The following STAU2 variants were observed in gnomAD, a reference collection of about 807,000 sequenced individuals.
STAU2 encodes double-stranded RNA-binding protein Staufen homolog 2.
STAU2 carries 20 observed loss-of-function variants against 65.9 expected under a neutral mutation model. The ratio of observed to expected loss-of-function variants is 0.30; its 90% confidence interval spans 0.21 to 0.44. The LOEUF (loss-of-function observed/expected upper bound fraction) is 0.44. STAU2 is among the 20% of genes least tolerant of loss of function. STAU2 has a pLI of 1.00. For missense variants in STAU2, 558 were observed against 683.9 expected, an observed-to-expected ratio of 0.82 and a Z score of 2.05; for synonymous variants, 232 against 233.9, an observed-to-expected ratio of 0.99 and a Z score of 0.07.
intron 12 of STAU2, among the ~76,000 whole-genome samples, chr8:73,557,780 T>TTATATTCATACACCCA (rs1807901600): frequency 1.3e-5 from 2 of 152,334 alleles, no homozygotes; most frequent in South Asian, 4.1e-4. Context: ...GTAACATCCA[T>TTATATTCATACACCCA]TATATTCATT....
chr8:73,505,719 G>A (rs1279049075), intron 13 of STAU2, among the ~76,000 whole-genome samples: 2 of 152,020 alleles, frequency 1.3e-5, no homozygotes, highest in East Asian at 3.9e-4. Context: ...TTATTAAGGT[G>A]TAACTGACAT....
intron 8 of STAU2, among the ~76,000 whole-genome samples, chr8:73,615,364 A>G (rs1311032925): frequency 6.6e-6 from 1 of 152,186 alleles, no homozygotes; most frequent in Non-Finnish European, 1.5e-5. Context: ...ATTTAATTTA[A>G]TCCTATTTAA....
At chr8:73,645,077 T>C (rs572229159) in intron 6 of STAU2, among the ~76,000 whole-genome samples, 2 of 152,294 alleles carry the variant, frequency 1.3e-5, no homozygotes, top group East Asian at 3.9e-4. Context: ...CTCCCAACTC[T>C]TTTTATGAGT....
chr8:73,593,420 C>A (rs1470039091), intron 11 of STAU2, among the ~76,000 whole-genome samples: 1 of 152,204 alleles, frequency 6.6e-6, no homozygotes, highest in Non-Finnish European at 1.5e-5. Context: ...TCACTCCCTG[C>A]ACTTAAAGAA....
chr8:73,597,021 C>T (rs538184477), intron 10 of STAU2, among the ~76,000 whole-genome samples: 71 of 152,038 alleles, frequency 4.7e-4, no homozygotes, highest in African/African-American at 1.4e-3. Flanking sequence ...AATGCATAGC[C>T]GTTAACAGCT....
At chr8:73,553,208 A>G (rs1807464428) in intron 12 of STAU2, among the ~76,000 whole-genome samples, 1 of 152,228 alleles carries the variant, frequency 6.6e-6, no homozygotes, top group African/African-American at 2.4e-5. Flanking sequence ...TTGATCAGGT[A>G]TCAATAACTC....
At chr8:73,584,253 A>C (rs543746744) in intron 11 of STAU2, among the ~76,000 whole-genome samples, 1 of 152,190 alleles carries the variant, frequency 6.6e-6, no homozygotes, top group Non-Finnish European at 1.5e-5. Flanking sequence ...TCCTGTCTTC[A>C]TCAACATTTA....
intron 1 of STAU2, among the ~76,000 whole-genome samples, chr8:73,745,487 T>C (rs1224323994): frequency 6.6e-6 from 1 of 152,214 alleles, no homozygotes; most frequent in African/African-American, 2.4e-5. Context: ...CCATCACAAT[T>C]TTGATTTCAA....
chr8:73,538,676 G>GAAAAAAAA (rs60524962), intron 13 of STAU2, among the ~76,000 whole-genome samples: 1 of 132,822 alleles, frequency 7.5e-6, no homozygotes, highest in Non-Finnish European at 1.6e-5. Context: ...CAGAGTTTTA[G>GAAAAAAAA]AAAAAAAAAA....
In STAU2 at chr8:73,687,344, T is replaced by TTATATTTATAAA. The variant is rs1563506820; in HGVS notation, c.274+1309_274+1310insTTTATAAATATA. ...TTATATTTATAAATATAATTTATATTTATAATTTATATAATATAAATATAA... is the reference window on the plus strand; with the variant it reads ...TTATATTTATAAATATAATTTATATTTATATTTATAAATATAATTTATATAATATAAATATAA... On this transcript the variant is annotated intron_variant, in intron 5 of 14. Transcript: ENST00000524300. Among the ~76,000 whole-genome samples the TTATATTTATAAA allele has an allele frequency of 8.5e-4, 72 of 85,184 alleles. 1 individual carries two copies. Among genetic ancestry groups the TTATATTTATAAA allele is most frequent in the African/African-American group, 2.4e-3 (54 of 22,092 alleles). The allele number at this position is 85,184 out of a possible 152,430, so 55.9% of individuals were successfully genotyped here. A position where few individuals can be genotyped will look rare whatever the true frequency, so the allele number is the denominator to read the frequency against.
At chr8:73,657,880 G>A (rs1255574752) in intron 6 of STAU2, among the ~76,000 whole-genome samples, 1 of 151,958 alleles carries the variant, frequency 6.6e-6, no homozygotes, top group African/African-American at 2.4e-5. Flanking sequence ...TGGGTGTGGT[G>A]GCGCACACCT....
intron 6 of STAU2, among the ~76,000 whole-genome samples, chr8:73,650,424 T>C (rs552602534): frequency 1.2e-3 from 176 of 152,336 alleles, no homozygotes; most frequent in Non-Finnish European, 1.9e-3. Context: ...TGTAAAAATG[T>C]ATATGTGTGT....
chr8:73,478,548 C>G (rs1164045228), intron 13 of STAU2, among the ~76,000 whole-genome samples: 1 of 151,962 alleles, frequency 6.6e-6, no homozygotes, highest in Non-Finnish European at 1.5e-5. Flanking sequence ...GCAATGCAAA[C>G]TATTTACATA....
intron 6 of STAU2, chr8:73,672,437 G>A (rs762242732): frequency 5.9e-5 from 9 of 152,038 alleles, no homozygotes; most frequent in East Asian, 3.9e-4. Flanking sequence ...GAGGCTATAC[G>A]TATGTAAAAA....
In STAU2 at chr8:73,479,840, G is replaced by A. The variant is rs145805433; in HGVS notation, c.1531-57138C>T. ...CATTATATCTCTCAAAGTATCTTCA[G>A]GAACGTAGACATATTAAAATGAATC... On this transcript the variant is annotated intron_variant, in intron 13 of 14. Coordinates refer to ENST00000524300, the MANE Select transcript of STAU2 (RefSeq NM_001164380.2). Among the ~76,000 whole-genome samples the A allele has an allele frequency of 3.3e-5, 5 of 151,486 alleles. No individual in the cohort carries two copies. In the East Asian group the frequency reaches 9.8e-4, roughly 30 times the overall value.
chr8:73,479,592 G>C (rs1251806657), intron 13 of STAU2, among the ~76,000 whole-genome samples: 2 of 151,276 alleles, frequency 1.3e-5, no homozygotes, highest in Non-Finnish European at 1.5e-5. Flanking sequence ...TGATAATACA[G>C]TAGAAAAAAA....
upstream of STAU2, chr8:73,747,009 G>A: frequency 3.3e-6 from 1 of 301,470 alleles, no homozygotes; most frequent in Non-Finnish European, 4.8e-6. Flanking sequence ...CGGCGCGCGC[G>A]CCCGGCACCG....
intron 1 of STAU2, among the ~76,000 whole-genome samples, chr8:73,740,426 T>C (rs1286987385): frequency 6.6e-6 from 1 of 152,136 alleles, no homozygotes; most frequent in African/African-American, 2.4e-5. Flanking sequence ...AGCAAATGAG[T>C]AACATTAGAA....
At chr8:73,550,451 T>C in intron 13 of STAU2, 2 of 985,698 alleles carry the variant, frequency 2.0e-6, no homozygotes, top group Non-Finnish European at 2.4e-6. Flanking sequence ...AAAAAATCAA[T>C]TCAGAGCTTG....
Sources: allele counts gnomAD v4.1 joint callset (sites outside exome capture counted in the v4.1 genomes callset), GRCh38; gene constraint gnomAD v4.1.1; transcripts MANE v1.5; gene names NCBI Gene and HGNC (gene_info 2026-07-23, HGNC 2026-07-21).